CTNND2: variants seen among roughly 807,000 people sequenced by gnomAD.
CTNND2 encodes catenin delta-2.
CTNND2 carries 22 observed loss-of-function variants against 144.4 expected under a neutral mutation model. That is an observed-to-expected ratio of 0.15 (90% CI 0.11 to 0.22). The LOEUF (loss-of-function observed/expected upper bound fraction) is 0.22, where lower values mean the gene tolerates loss of function less well. Ranked by LOEUF, CTNND2 falls within the 10% of genes least tolerant of loss-of-function variation. CTNND2 has a pLI of 1.00. For synonymous variants in CTNND2, 751 were observed against 695.6 expected (o/e 1.08, Z -1.25); for missense variants, 1,353 against 1,618.8 (o/e 0.84, Z 2.82).
chr5:11,595,245 T>A (rs1430517026), intron 2 of CTNND2, among the ~76,000 whole-genome samples: 1 of 152,134 alleles, frequency 6.6e-6, no homozygotes, highest in African/African-American at 2.4e-5. Flanking sequence ...GACTTTTGCC[T>A]AGGGGCCTTG....
intron 2 of CTNND2, among the ~76,000 whole-genome samples, chr5:11,721,613 G>A (rs6872554): frequency 0.052 from 7,909 of 152,268 alleles, 630 homozygotes; most frequent in African/African-American, 0.18. Flanking sequence ...GCATTAGCTG[G>A]GGCTCGGGGC....
At chr5:11,605,086 G>A (rs989676687) in intron 2 of CTNND2, among the ~76,000 whole-genome samples, 5 of 152,068 alleles carry the variant, frequency 3.3e-5, no homozygotes, top group African/African-American at 4.8e-5. Context: ...CTCTTGTACC[G>A]TACAGTTCAA....
chr5:11,373,182 T>G (rs1757617917), intron 7 of CTNND2, among the ~76,000 whole-genome samples: 1 of 152,214 alleles, frequency 6.6e-6, no homozygotes, highest in African/African-American at 2.4e-5. Flanking sequence ...TCAAAGGCCT[T>G]AATGAGCAGG....
chr5:11,878,302 C>T (rs75848002), intron 1 of CTNND2, among the ~76,000 whole-genome samples: 3,844 of 151,948 alleles, frequency 0.025, 82 homozygotes, highest in African/African-American at 0.052. Flanking sequence ...ATTTCTTCTA[C>T]CTCTTCTTTA....
chr5:11,250,733 T>C (rs1256083378), intron 9 of CTNND2, among the ~76,000 whole-genome samples: 1 of 151,762 alleles, frequency 6.6e-6, no homozygotes, highest in East Asian at 1.9e-4. Flanking sequence ...CTCAGGCTGG[T>C]CTCCAACTCC....
chr5:11,705,942 C>T (rs982342024), intron 2 of CTNND2, among the ~76,000 whole-genome samples: 3 of 152,158 alleles, frequency 2.0e-5, no homozygotes, highest in African/African-American at 7.2e-5. Flanking sequence ...CTAGAGACTC[C>T]CCTGGCTAGC....
At chr5:11,151,963 C>G (rs943902323) in intron 12 of CTNND2, among the ~76,000 whole-genome samples, 2 of 152,034 alleles carry the variant, frequency 1.3e-5, no homozygotes, top group Non-Finnish European at 2.9e-5. Flanking sequence ...GAAGCTTTTT[C>G]GAACTTTTCC....
At chr5:11,052,398 C>G (rs532295159) in intron 16 of CTNND2, among the ~76,000 whole-genome samples, 8 of 152,256 alleles carry the variant, frequency 5.3e-5, no homozygotes, top group Non-Finnish European at 1.2e-4. Flanking sequence ...ACTTAATTAC[C>G]CCTGTCCTCA....
chr5:11,799,307 T>C (rs1368300324), intron 1 of CTNND2, among the ~76,000 whole-genome samples: 1 of 152,214 alleles, frequency 6.6e-6, no homozygotes, highest in Non-Finnish European at 1.5e-5. Flanking sequence ...ACTGGTGATG[T>C]TTTTAATCCT....
chr5:11,309,718 G>A (rs546733046), intron 9 of CTNND2, among the ~76,000 whole-genome samples: 7 of 152,280 alleles, frequency 4.6e-5, no homozygotes, highest in African/African-American at 1.4e-4. Context: ...AGATTTGGGA[G>A]GGGTCGGGGC....
At chr5:11,767,709 T>C (rs1011655326) in intron 1 of CTNND2, among the ~76,000 whole-genome samples, 11 of 152,138 alleles carry the variant, frequency 7.2e-5, no homozygotes, top group Non-Finnish European at 5.9e-5. Context: ...AGGTTTTGAC[T>C]GGCCAAGCAC....
chr5:11,321,212 A>G (rs1223059971), intron 9 of CTNND2, among the ~76,000 whole-genome samples: 2 of 152,258 alleles, frequency 1.3e-5, no homozygotes, highest in African/African-American at 4.8e-5. Flanking sequence ...TGTTTTATAC[A>G]ACAGTGAGTT....
At chr5:11,064,476 G>C (rs1392236604) in intron 16 of CTNND2, among the ~76,000 whole-genome samples, 2 of 151,980 alleles carry the variant, frequency 1.3e-5, no homozygotes, top group African/African-American at 4.8e-5. Flanking sequence ...AGAGTGGAAG[G>C]ATGAGAAGAG....
chr5:11,357,523 G>A (rs970014529), intron 8 of CTNND2, among the ~76,000 whole-genome samples: 2 of 152,226 alleles, frequency 1.3e-5, no homozygotes, highest in Middle Eastern at 3.4e-3. Context: ...GGTTACCAGA[G>A]ACTAGGGAGG....
At chr5:11,666,913 C>T (rs752407017) in intron 2 of CTNND2, among the ~76,000 whole-genome samples, 1 of 151,934 alleles carries the variant, frequency 6.6e-6, no homozygotes, top group African/African-American at 2.4e-5. Flanking sequence ...TGCTATACTT[C>T]CCCCAGCCCC....
chr5:11,091,993 C>A (rs568519043), intron 15 of CTNND2, among the ~76,000 whole-genome samples: 1 of 152,132 alleles, frequency 6.6e-6, no homozygotes, highest in Non-Finnish European at 1.5e-5. Flanking sequence ...ACTTTGATAT[C>A]TCCCGATTCC....
chr5:11,156,333 C>T (rs1470420063), intron 12 of CTNND2, among the ~76,000 whole-genome samples: 1 of 152,108 alleles, frequency 6.6e-6, no homozygotes, highest in Non-Finnish European at 1.5e-5. Context: ...TTAACCTTGG[C>T]TCCCCACCCT....
At chr5:11,713,209 T>G (rs1272509432) in intron 2 of CTNND2, among the ~76,000 whole-genome samples, 2 of 152,224 alleles carry the variant, frequency 1.3e-5, no homozygotes, top group Non-Finnish European at 2.9e-5. Flanking sequence ...GTTTTTGTTG[T>G]TAATATTACT....
chr5:11,284,473 C>G (rs1747517313), intron 9 of CTNND2, among the ~76,000 whole-genome samples: 1 of 152,094 alleles, frequency 6.6e-6, no homozygotes. Flanking sequence ...TCCATGTGTT[C>G]TCATTGTTCA....
Sources: gnomAD v4.1 joint callset for allele counts (sites outside exome capture counted in the v4.1 genomes callset) on GRCh38, gnomAD v4.1.1 for gene constraint, MANE v1.5 for transcripts, NCBI Gene and HGNC (gene_info 2026-07-23, HGNC 2026-07-21) for gene names.